CALN1: variants seen among roughly 807,000 people sequenced by gnomAD.
CALN1 encodes calneuron 1.
A neutral mutation model predicts 30.6 loss-of-function variants in CALN1; 17 were observed. The observed-to-expected ratio is 0.56, with a 90% CI of 0.38 to 0.83. CALN1 has a LOEUF of 0.83. CALN1 is among the 40% of genes least tolerant of loss of function. The probability of loss-of-function intolerance (pLI) is 0.00; values close to 1 mark genes in which losing one functional copy is unlikely to be tolerated. For missense variants in CALN1, 291 were observed against 354.9 expected, an observed-to-expected ratio of 0.82 and a Z score of 1.45; for synonymous variants, 156 against 131.4, an observed-to-expected ratio of 1.19 and a Z score of -1.28.
chr7:72,291,974 C>T (rs985577727), intron 2 of CALN1, among the ~76,000 whole-genome samples: 2 of 151,188 alleles, frequency 1.3e-5, no homozygotes, highest in African/African-American at 2.4e-5. Flanking sequence ...CGCACTTCAG[C>T]CTGGGTGACA....
rs969602463 is a variant in CALN1 at position 71,810,274 on chromosome 7, T to C, written c.658+62A>G. ...CCTGTGTGTGAACGCATTTTTCATA[T>C]AGAGAGTGTGGTGCATTGGCCTGTC... On this transcript the variant is annotated intron_variant, in intron 6 of 6. Coordinates refer to ENST00000395275, the MANE Select transcript of CALN1 (RefSeq NM_031468.4). The C allele has an allele frequency of 5.8e-6, 9 of 1,541,852 alleles. No homozygotes were observed. The African/African-American group carries it at 6.8e-5, about 12-fold the overall frequency.
At chr7:72,449,941 C>G (rs1417764804), upstream of CALN1, among the ~76,000 whole-genome samples, 3 of 148,592 alleles carry the variant, frequency 2.0e-5, no homozygotes, top group Non-Finnish European at 3.0e-5. Flanking sequence ...CACTGTGGCT[C>G]ACACCTGTAA....
intron 2 of CALN1, among the ~76,000 whole-genome samples, chr7:72,396,984 C>T (rs1806007791): frequency 6.6e-6 from 1 of 151,962 alleles, no homozygotes; most frequent in African/African-American, 2.4e-5. Context: ...GATCATAATT[C>T]ACTGCAGCCT....
intron 5 of CALN1, among the ~76,000 whole-genome samples, chr7:71,827,558 G>A (rs545802184): frequency 1.3e-5 from 2 of 152,144 alleles, no homozygotes; most frequent in African/African-American, 4.8e-5. Flanking sequence ...ATCACTGGAG[G>A]TCGGGAGTTC....
chr7:72,171,946 C>T (rs948625742), intron 3 of CALN1, among the ~76,000 whole-genome samples: 1 of 152,180 alleles, frequency 6.6e-6, no homozygotes, highest in Admixed American at 6.5e-5. Flanking sequence ...AGAAAGATCA[C>T]AGGTCATGTA....
chr7:72,187,523 G>A (rs891173569), intron 3 of CALN1, among the ~76,000 whole-genome samples: 4 of 152,122 alleles, frequency 2.6e-5, no homozygotes, highest in Admixed American at 6.5e-5. Context: ...TGAACTGCAC[G>A]TGCGAGGGAT....
chr7:72,151,806 A>G (rs1020272229), intron 3 of CALN1, among the ~76,000 whole-genome samples: 1 of 152,044 alleles, frequency 6.6e-6, no homozygotes, highest in Non-Finnish European at 1.5e-5. Context: ...TGAACTCCTG[A>G]GCTCAAGAGA....
At chr7:72,226,093 CAAAAAAA>C (rs35950469) in intron 3 of CALN1, among the ~76,000 whole-genome samples, 4 of 111,898 alleles carry the variant, frequency 3.6e-5, no homozygotes, top group Admixed American at 3.0e-4. Flanking sequence ...AGACTCCACC[CAAAAAAA>C]AAAAAAAAAA....
At chr7:71,988,384 G>A (rs1429578135) in intron 5 of CALN1, among the ~76,000 whole-genome samples, 1 of 152,196 alleles carries the variant, frequency 6.6e-6, no homozygotes, top group East Asian at 1.9e-4. Context: ...AGGTGTGTGC[G>A]CGCATCCTGC....
At chr7:72,125,424 G>T (rs1017609525) in intron 3 of CALN1, among the ~76,000 whole-genome samples, 4 of 152,218 alleles carry the variant, frequency 2.6e-5, no homozygotes, top group Non-Finnish European at 5.9e-5. Flanking sequence ...ACAAAGCAAG[G>T]ATCCCTGGCC....
Position 71,787,613 on chromosome 7 carries a change from C to A in CALN1, c.*162G>T. ...CTGCCAAGGAGATGAAGCTGAAGTG[C>A]AACCCCAGTTGCACTCAACCTTGGG... is the stretch of plus-strand genomic sequence containing the variant. On this transcript the variant is annotated 3_prime_UTR_variant, in exon 7 of 7. Coordinates refer to ENST00000395275, the MANE Select transcript of CALN1 (RefSeq NM_031468.4). The A allele has an allele frequency of 1.1e-6, 1 of 942,160 alleles. No individual in the cohort carries two copies. Among genetic ancestry groups the A allele is most frequent in the Non-Finnish European group, 1.5e-6 (1 of 657,802 alleles). 58.4% of individuals were successfully genotyped at this position (942,160 alleles called of 1,614,324 possible).
At chr7:72,204,912 C>T (rs1791713085) in intron 3 of CALN1, among the ~76,000 whole-genome samples, 3 of 152,136 alleles carry the variant, frequency 2.0e-5, no homozygotes, top group South Asian at 4.1e-4. Flanking sequence ...CTGCTGTACA[C>T]ATATTGTCTA....
At chr7:72,276,417 C>T (rs997835076) in intron 3 of CALN1, among the ~76,000 whole-genome samples, 5 of 152,176 alleles carry the variant, frequency 3.3e-5, no homozygotes, top group African/African-American at 4.8e-5. Flanking sequence ...TAACCACCAA[C>T]GTGATGTCAT....
rs141891894 is a variant in CALN1 at position 72,316,989 on chromosome 7, AAAAGG to A, written c.120-38184_120-38180del. Among the ~76,000 whole-genome samples, 1,348 of 150,160 alleles carry A rather than the reference AAAAGG, an allele frequency of 9.0e-3. 20 individuals carry two copies. The highest frequency in any genetic ancestry group is 0.031 in the African/African-American group (1,251 of 40,548). ...AAACGAAAGGAAAGGAAAGGAAAAA[AAAAGG>A]AAAGGAAAGGAAAGGAAGAAGGAAG... On this transcript the variant is annotated intron_variant, in intron 2 of 6. Transcript: ENST00000395275.
chr7:72,303,770 G>C (rs1799457844), intron 2 of CALN1, among the ~76,000 whole-genome samples: 1 of 152,092 alleles, frequency 6.6e-6, no homozygotes, highest in South Asian at 2.1e-4. Flanking sequence ...AACACTTTGG[G>C]AGGCCGAGGC....
intron 5 of CALN1, among the ~76,000 whole-genome samples, chr7:71,933,223 G>A (rs1046768733): frequency 6.6e-6 from 1 of 152,132 alleles, no homozygotes; most frequent in African/African-American, 2.4e-5. Context: ...GATGGCGCCA[G>A]TTAAGTGGGA....
chr7:72,019,817 T>C (rs1204809566), intron 5 of CALN1, among the ~76,000 whole-genome samples: 1 of 152,156 alleles, frequency 6.6e-6, no homozygotes, highest in African/African-American at 2.4e-5. Flanking sequence ...ATAGAAAATA[T>C]TTAGTGTTGT....
chr7:72,462,174 G>T, the CALN1 span, among the ~76,000 whole-genome samples: 25 of 151,722 alleles, frequency 1.6e-4, no homozygotes, highest in South Asian at 1.5e-3. Flanking sequence ...ATGTATGTAT[G>T]TATGTATTTA....
intron 4 of CALN1, among the ~76,000 whole-genome samples, chr7:72,036,188 A>G (rs1801787318): frequency 6.6e-6 from 1 of 152,200 alleles, no homozygotes; most frequent in African/African-American, 2.4e-5. Context: ...TCTGGCATCC[A>G]AAGTTTCTGG....
Sources: allele counts gnomAD v4.1 joint callset (sites outside exome capture counted in the v4.1 genomes callset), GRCh38; gene constraint gnomAD v4.1.1; transcripts MANE v1.5; gene names NCBI Gene and HGNC (gene_info 2026-07-23, HGNC 2026-07-21).